The following ADAMTS2 variants were observed in gnomAD, a reference collection of about 807,000 sequenced individuals.
ADAMTS2 encodes the protein ADAM metallopeptidase with thrombospondin type 1 motif 2.
A neutral mutation model predicts 123.0 loss-of-function variants in ADAMTS2; 50 were observed. The observed-to-expected ratio is 0.41, with a 90% confidence interval of 0.32 to 0.51. The LOEUF is 0.51. Ranked by LOEUF, ADAMTS2 falls within the 20% of genes least tolerant of loss-of-function variation. The pLI is 0.35. For synonymous variants in ADAMTS2, 678 were observed against 695.4 expected (o/e 0.98, Z 0.39); for missense variants, 1,494 against 1,705.2 (o/e 0.88, Z 2.18).
At chr5:179,209,572 GCA>G (rs1434543185) in intron 3 of ADAMTS2, among the ~76,000 whole-genome samples, 4 of 151,102 alleles carry the variant, frequency 2.6e-5, no homozygotes, top group African/African-American at 7.3e-5. Flanking sequence ...GCACACACAT[GCA>G]CACACATGTA....
chr5:179,114,184 C>G lies in ADAMTS2; in HGVS notation c.3319G>C (p.Glu1107Gln), dbSNP rs775059458. ...NNLTNVEGRI[E>Q]PPPGKHNDID... ...TCGTTGTGCTTCCCAGGCGGTGGCT[C>G]TATCCTGCCCTCCACGTTGGTGAGG... Residue 1107 changes from glutamate to glutamine, a missense_variant, in exon 22 of 22, where the codon GAG becomes CAG. Glu to Gln is a conservative substitution (Grantham distance 29). Transcript: ENST00000251582. 6.2e-7 allele frequency: 1 copy of G among 1,611,752 alleles called. No individual in the cohort carries two copies. Among genetic ancestry groups the G allele is most frequent in the Non-Finnish European group, 8.5e-7 (1 of 1,178,062 alleles).
intron 10 of ADAMTS2, among the ~76,000 whole-genome samples, chr5:179,141,770 C>G (rs1005370403): frequency 1.3e-5 from 2 of 152,178 alleles, no homozygotes; most frequent in Non-Finnish European, 2.9e-5. Flanking sequence ...TCATCCCTCT[C>G]AACTCTGTTG....
In ADAMTS2 at chr5:179,343,889, C is replaced by T; in HGVS notation, c.412G>A (p.Glu138Lys). ...GTGGTGCCCTTCTCGCCCTGCCACT[C>T]CATAGTGGCCCCGGGCGCCACGAGG... The part of the protein sequence containing the change: ...ARLVAPGATM[E>K]WQGEKGTTRV... The change falls in exon 2 of 22, where the codon GAG (glutamate) becomes AAG (lysine). Residue 138 changes from glutamate (E) to lysine (K), a missense_variant. By Grantham distance (56) the Glu-to-Lys change is moderately conservative. This residue lies in a region of ADAMTS2 where 237 missense variants were observed against 233.7 expected (regional missense o/e 1.01). Coordinates refer to ENST00000251582, the MANE Select transcript of ADAMTS2 (RefSeq NM_014244.5). 6.2e-7 allele frequency: 1 copy of T among 1,603,494 alleles called. No individual in the cohort carries two copies. Among genetic ancestry groups the T allele is most frequent in the Non-Finnish European group, 8.5e-7 (1 of 1,176,462 alleles).
intron 2 of ADAMTS2, among the ~76,000 whole-genome samples, chr5:179,282,622 T>C (rs1293523195): frequency 1.3e-5 from 2 of 152,196 alleles, no homozygotes; most frequent in Non-Finnish European, 2.9e-5. Context: ...CCCTTGTATT[T>C]CTGTATGAAT....
In ADAMTS2 at chr5:179,124,624, C is replaced by T. The variant is rs112581766; in HGVS notation, c.2958+349G>A. Among the ~76,000 whole-genome samples, 201 of 152,340 alleles carry T rather than the reference C, an allele frequency of 1.3e-3. 2 individuals carry two copies. The highest frequency in any genetic ancestry group is 4.5e-3 in the African/African-American group (188 of 41,600). On this transcript the variant is annotated intron_variant, in intron 19 of 21. Transcript: ENST00000251582. ...GCACTGACCACGTGGCAGCCACTGGCGCCGTGAAACCCACAGGATGTGGCT... is the reference window on the plus strand; with the variant it reads ...GCACTGACCACGTGGCAGCCACTGGTGCCGTGAAACCCACAGGATGTGGCT...
rs1765484936 is a variant in ADAMTS2, at chr5:179,234,629, T to C, written c.689-26914A>G. ...CATGCCAACAAGTCCCAAACAAACC[T>C]GTCACCTTTCCCTACCCCAACCCAT... On this transcript the variant is annotated intron_variant, in intron 3 of 21. Coordinates refer to ENST00000251582, the MANE Select transcript of ADAMTS2 (RefSeq NM_014244.5). The surrounding 1 kb of genome is among the most constrained non-coding windows in gnomAD (Gnocchi z 4.7). Among the ~76,000 whole-genome samples, 1 of 150,738 alleles carries C rather than the reference T, an allele frequency of 6.6e-6. No homozygotes were observed. The highest frequency in any genetic ancestry group is 2.4e-5 in the African/African-American group (1 of 40,820).
intron 3 of ADAMTS2, among the ~76,000 whole-genome samples, chr5:179,245,492 C>G (rs1323188553): frequency 6.8e-6 from 1 of 147,690 alleles, no homozygotes; most frequent in Non-Finnish European, 1.5e-5. Flanking sequence ...GTGGGCCGGG[C>G]GCGGTGGCTC....
chr5:179,152,742 G>A (rs991217033), intron 9 of ADAMTS2, among the ~76,000 whole-genome samples: 40 of 152,082 alleles, frequency 2.6e-4, no homozygotes, highest in Non-Finnish European at 4.4e-4. Flanking sequence ...AAACTCAGAC[G>A]TGGCCCTGAG....
intron 2 of ADAMTS2, among the ~76,000 whole-genome samples, chr5:179,315,828 G>GA (rs1454087991): frequency 1.3e-5 from 2 of 152,186 alleles, no homozygotes; most frequent in Non-Finnish European, 2.9e-5. Context: ...AGAACTGGGG[G>GA]ATCTGGACAG....
intron 3 of ADAMTS2, among the ~76,000 whole-genome samples, chr5:179,219,098 G>A (rs1301644594): frequency 2.0e-5 from 3 of 152,148 alleles, no homozygotes; most frequent in Non-Finnish European, 1.5e-5. Flanking sequence ...GTGCCCAAGG[G>A]GTCCTGTTAG....
At chr5:179,229,259 AC>A (rs1765354191) in intron 3 of ADAMTS2, among the ~76,000 whole-genome samples, 1 of 152,106 alleles carries the variant, frequency 6.6e-6, no homozygotes, top group South Asian at 2.1e-4. Flanking sequence ...AGTCACAAAC[AC>A]GAGACCCCGC....
intron 21 of ADAMTS2, among the ~76,000 whole-genome samples, chr5:179,114,768 A>T (rs986997275): frequency 2.6e-5 from 4 of 152,346 alleles, no homozygotes; most frequent in Middle Eastern, 3.4e-3. Context: ...AGTAGTAACT[A>T]TAACAAAATT....
At position 179,132,026 on chromosome 5, in the gene ADAMTS2, CA is replaced by C. The variant is rs1762972066; in HGVS notation, c.2290+203del. Among the ~76,000 whole-genome samples, 1 of 152,218 alleles carries C rather than the reference CA, an allele frequency of 6.6e-6. No homozygotes were observed. Among genetic ancestry groups the C allele is most frequent in the African/African-American group, 2.4e-5 (1 of 41,476 alleles). On this transcript the variant is annotated intron_variant, in intron 15 of 21. Coordinates refer to ENST00000251582, the MANE Select transcript of ADAMTS2 (RefSeq NM_014244.5). This position sits in a 1 kb window ranked among gnomAD's most constrained non-coding sequence, Gnocchi z 6.1. ...GCTGCCAAGCGGAGCCCTCTGATCC[CA>C]AACCCTGGCCTCTCCACAAGGGGAG...
intron 2 of ADAMTS2, among the ~76,000 whole-genome samples, chr5:179,305,432 T>A (rs1288590755): frequency 5.3e-5 from 8 of 149,960 alleles, no homozygotes; most frequent in African/African-American, 2.0e-4. Context: ...GTCTCAACAT[T>A]CAACTTGAAG....
At chr5:179,343,655 G>T in intron 2 of ADAMTS2, 112 bp downstream of exon 2, 1 of 1,407,122 alleles carries the variant, frequency 7.1e-7, no homozygotes, top group Non-Finnish European at 9.7e-7. Context: ...CGGGAAGGGC[G>T]CGGAAAGTCC....
chr5:179,276,744 T>A (rs1766706772), intron 2 of ADAMTS2, among the ~76,000 whole-genome samples: 1 of 152,192 alleles, frequency 6.6e-6, no homozygotes, highest in Non-Finnish European at 1.5e-5. Flanking sequence ...TGGGCCAGAC[T>A]GGGCCGATTG....
At chr5:179,218,578 T>C (rs1403022493) in intron 3 of ADAMTS2, among the ~76,000 whole-genome samples, 13 of 152,218 alleles carry the variant, frequency 8.5e-5, no homozygotes, top group Admixed American at 7.8e-4. Context: ...TTGAATTAAT[T>C]TTTGCAACTT....
chr5:179,143,314 T>G (rs1208201588), intron 10 of ADAMTS2, among the ~76,000 whole-genome samples: 2 of 152,090 alleles, frequency 1.3e-5, no homozygotes, highest in South Asian at 4.2e-4. Flanking sequence ...CAACCTGTGA[T>G]TCCCAGCTAC....
rs1232438225 is a variant in ADAMTS2, at chr5:179,345,431, G to C, written c.-103C>G. ...GGGGCAGCTGGAGCCGCCCGCAGCT[G>C]CAGCACCGCAGGGCGCGGGGCGGAG... On this transcript the variant is annotated 5_prime_UTR_variant, in exon 1 of 22. Coordinates refer to ENST00000251582, the MANE Select transcript of ADAMTS2 (RefSeq NM_014244.5). This position sits in a 1 kb window ranked among gnomAD's most constrained non-coding sequence, Gnocchi z 7.5. 3 of 1,000,038 alleles carry C rather than the reference G, an allele frequency of 3.0e-6. No individual in the cohort carries two copies. Among genetic ancestry groups the C allele is most frequent in the Non-Finnish European group, 3.6e-6 (3 of 827,518 alleles). 61.9% of individuals were successfully genotyped at this position (1,000,038 alleles called of 1,614,324 possible). A position where few individuals can be genotyped will look rare whatever the true frequency, so the allele number is the denominator to read the frequency against.
Sources: gnomAD v4.1 joint callset for allele counts (sites outside exome capture counted in the v4.1 genomes callset) on GRCh38, gnomAD v4.1.1 for gene constraint, gnomAD v4.1.1 regional missense constraint, Gnocchi (gnomAD v3.1) non-coding constraint, MANE v1.5 for transcripts, NCBI Gene and HGNC (gene_info 2026-07-23, HGNC 2026-07-21) for gene names.